RARB: variants seen among roughly 807,000 people sequenced by gnomAD.
RARB encodes HBV-activated protein.
Under a neutral mutation model 51.9 loss-of-function variants are expected in RARB, and 17 were observed. That is an observed-to-expected ratio of 0.33 (90% CI 0.22 to 0.49). The LOEUF (loss-of-function observed/expected upper bound fraction) is 0.49, where lower values mean the gene tolerates loss of function less well. Among genes scored for constraint, RARB ranks in the 20% least tolerant of loss-of-function variants. RARB has a pLI of 0.99. For synonymous variants in RARB, 215 were observed against 195.4 expected (o/e 1.10, Z -0.84); for missense variants, 369 against 550.8 (o/e 0.67, Z 3.30).
intron 3 of RARB, among the ~76,000 whole-genome samples, chr3:25,559,053 A>G (rs551144798): frequency 3.3e-5 from 5 of 152,132 alleles, no homozygotes; most frequent in East Asian, 1.9e-4. Flanking sequence ...TCCCCCATCC[A>G]GAATGTTTTT....
intron 1 of RARB, among the ~76,000 whole-genome samples, chr3:24,841,200 A>G (rs889607316): frequency 5.3e-5 from 8 of 152,204 alleles, no homozygotes; most frequent in East Asian, 1.9e-4. Context: ...AATTCCATGG[A>G]CGTTTTCCCA....
chr3:25,084,685 G>A (rs898306612), intron 3 of RARB, among the ~76,000 whole-genome samples: 6 of 151,446 alleles, frequency 4.0e-5, no homozygotes, highest in African/African-American at 1.5e-4. Flanking sequence ...ATAATGTTTT[G>A]ATATTATCTC....
intron 3 of RARB, among the ~76,000 whole-genome samples, chr3:25,531,251 T>C (rs1490574583): frequency 6.6e-6 from 1 of 152,000 alleles, no homozygotes; most frequent in Non-Finnish European, 1.5e-5. Context: ...GTGAACCACA[T>C]GGGTTCCAGG....
In RARB at chr3:24,926,761, G is replaced by A. The variant is rs556560680; in HGVS notation, c.-380+68009G>A. On this transcript the variant is annotated intron_variant, in intron 2 of 11. Transcript: ENST00000383772. ...CATGCCCTTACAAATCAGAGCTTCT[G>A]GGTACTATATTCTAGGCTGCTAGAA... Among the ~76,000 whole-genome samples, 9 of 140,684 alleles carry A rather than the reference G, an allele frequency of 6.4e-5. No individual in the cohort carries two copies. The South Asian group carries it at 2.2e-3, about 34-fold the overall frequency. The allele number at this position is 140,684 out of a possible 152,430, so 92.3% of individuals were successfully genotyped here.
intron 3 of RARB, among the ~76,000 whole-genome samples, chr3:25,106,948 T>G (rs1699518067): frequency 6.6e-6 from 1 of 151,994 alleles, no homozygotes; most frequent in Non-Finnish European, 1.5e-5. Flanking sequence ...TTGCCCAGGC[T>G]GGAGTCCAGT....
chr3:25,582,734 C>A (rs893630717), intron 5 of RARB, among the ~76,000 whole-genome samples: 1 of 152,046 alleles, frequency 6.6e-6, no homozygotes, highest in African/African-American at 2.4e-5. Context: ...CTCTTCCAGC[C>A]CCATGGATCC....
chr3:25,377,460 T>A (rs561915478), intron 5 of RARB, among the ~76,000 whole-genome samples: 2 of 152,200 alleles, frequency 1.3e-5, no homozygotes, highest in Admixed American at 6.5e-5. Flanking sequence ...GGTCAGATAC[T>A]TCTTTACAAA....
chr3:24,860,641 C>T (rs1262488929), intron 2 of RARB, among the ~76,000 whole-genome samples: 1 of 152,156 alleles, frequency 6.6e-6, no homozygotes, highest in Non-Finnish European at 1.5e-5. Flanking sequence ...AAACCCTTTA[C>T]AGAAGAGAGC....
intron 3 of RARB, among the ~76,000 whole-genome samples, chr3:25,063,428 C>A (rs1004981673): frequency 1.3e-5 from 2 of 151,964 alleles, no homozygotes; most frequent in Non-Finnish European, 2.9e-5. Context: ...GCTTTCCATC[C>A]TATTTCTTTT....
At chr3:25,331,674 C>A (rs1380180509) in intron 5 of RARB, among the ~76,000 whole-genome samples, 2 of 152,092 alleles carry the variant, frequency 1.3e-5, no homozygotes, top group Non-Finnish European at 2.9e-5. Context: ...TAACTAAGAT[C>A]AGAGCAGAAC....
rs547540004 is a variant in RARB at position 25,195,190 on chromosome 3, A to AT, written c.178+20625dup. On this transcript the variant is annotated intron_variant, in intron 5 of 11. Transcript: ENST00000383772. Reference sequence around the variant, plus strand: ...TCCTCTCTGTAGGTCTTGTTATGAAATTTTTTTTTTCCAAACAGTTTCACC... The same window carrying AT: ...TCCTCTCTGTAGGTCTTGTTATGAAATTTTTTTTTTTCCAAACAGTTTCACC... Among the ~76,000 whole-genome samples, 52 of 150,650 alleles carry AT rather than the reference A, an allele frequency of 3.5e-4. 1 individual carries two copies. The South Asian group carries it at 8.4e-3, about 24-fold the overall frequency.
chr3:24,932,207 C>T (rs1366542522), intron 2 of RARB, among the ~76,000 whole-genome samples: 2 of 152,004 alleles, frequency 1.3e-5, no homozygotes, highest in Non-Finnish European at 2.9e-5. Context: ...GAGGCATGTC[C>T]TTGATCTATA....
chr3:25,036,284 G>T (rs1372509608), intron 2 of RARB, among the ~76,000 whole-genome samples: 1 of 152,098 alleles, frequency 6.6e-6, no homozygotes, highest in Non-Finnish European at 1.5e-5. Flanking sequence ...GAGGGTCAGA[G>T]CTGTTATGAA....
chr3:25,221,016 A>G (rs1701936212), intron 5 of RARB, among the ~76,000 whole-genome samples: 1 of 42,624 alleles, frequency 2.3e-5, no homozygotes, highest in African/African-American at 5.4e-5. Flanking sequence ...CTCCCCTGCT[A>G]CACACACACA....
intron 2 of RARB, among the ~76,000 whole-genome samples, chr3:25,493,631 T>G (rs957405365): frequency 4.6e-5 from 7 of 152,198 alleles, no homozygotes; most frequent in African/African-American, 1.7e-4. Context: ...TGCTTTTCCT[T>G]CTTTTGCTCT....
At chr3:25,517,456 C>T (rs1004027101) in intron 3 of RARB, among the ~76,000 whole-genome samples, 4 of 152,108 alleles carry the variant, frequency 2.6e-5, no homozygotes, top group Admixed American at 6.6e-5. Context: ...CTGCTTCACA[C>T]CCATTAAGAG....
chr3:24,912,801 C>T (rs1465209600), intron 2 of RARB, among the ~76,000 whole-genome samples: 1 of 151,930 alleles, frequency 6.6e-6, no homozygotes, highest in Non-Finnish European at 1.5e-5. Context: ...GAACCTGAAT[C>T]TCAGTTTTTC....
At chr3:25,332,089 C>G (rs1704915385) in intron 5 of RARB, among the ~76,000 whole-genome samples, 1 of 152,114 alleles carries the variant, frequency 6.6e-6, no homozygotes, top group African/African-American at 2.4e-5. Context: ...CAAATTCTAC[C>G]AGAGGTACAA....
intron 2 of RARB, among the ~76,000 whole-genome samples, chr3:24,975,509 C>G (rs1454731244): frequency 6.6e-6 from 1 of 152,064 alleles, no homozygotes; most frequent in Non-Finnish European, 1.5e-5. Context: ...TCATGCCACA[C>G]TGAGATGCAG....
Sources: gnomAD v4.1 joint callset for allele counts (sites outside exome capture counted in the v4.1 genomes callset) on GRCh38, gnomAD v4.1.1 for gene constraint, MANE v1.5 for transcripts, NCBI Gene and HGNC (gene_info 2026-07-23, HGNC 2026-07-21) for gene names.